Variants in BNIP2 observed in about 807,000 individuals in gnomAD.
BNIP2 encodes BCL2/adenovirus E1B 19 kDa protein-interacting protein 2.
A neutral mutation model predicts 43.4 loss-of-function variants in BNIP2; 36 were observed. That is an observed-to-expected ratio of 0.83 (90% CI 0.64 to 1.10). The LOEUF is 1.10. Among genes scored for constraint, BNIP2 ranks in the 50% least tolerant of loss-of-function variants. The pLI is 0.00. For synonymous variants in BNIP2, 146 were observed against 121.0 expected, an observed-to-expected ratio of 1.21 and a Z score of -1.35; for missense variants, 417 against 374.1, an observed-to-expected ratio of 1.11 and a Z score of -0.95.
intron 5 of BNIP2, among the ~76,000 whole-genome samples, chr15:59,673,874 G>A (rs1460019215): frequency 6.6e-6 from 1 of 152,002 alleles, no homozygotes; most frequent in African/African-American, 2.4e-5. Context: ...GATCACTTAA[G>A]GCCAGGAATT....
In BNIP2 at chr15:59,689,310, C is replaced by A; in HGVS notation, c.-233G>T. 2.6e-6 allele frequency: 4 copies of A among 1,547,418 alleles called. No homozygotes were observed. The South Asian group carries it at 3.6e-5, about 14-fold the overall frequency. Reference sequence around the variant, plus strand: ...TACGGCGTCGGCGGCAGCAGCTGACCCGGACACAGTGAGAAGCCCCGGCGG... The same window carrying A: ...TACGGCGTCGGCGGCAGCAGCTGACACGGACACAGTGAGAAGCCCCGGCGG... On this transcript the variant is annotated 5_prime_UTR_variant, in exon 1 of 10. Transcript: ENST00000607373.
intron 1 of BNIP2, 119 bp from the exon 2 acceptor site, chr15:59,682,633 A>C (rs1893760125): frequency 1.3e-6 from 1 of 747,776 alleles, no homozygotes; most frequent in South Asian, 3.5e-5. Flanking sequence ...CTGGTCATGA[A>C]ATTCATTTAC....
intron 1 of BNIP2, among the ~76,000 whole-genome samples, chr15:59,683,763 G>C (rs545301677): frequency 6.6e-6 from 1 of 152,188 alleles, no homozygotes; most frequent in Non-Finnish European, 1.5e-5. Context: ...AGGTTGCAGC[G>C]AGCCGAGGTC....
intron 5 of BNIP2, 42 bp downstream of exon 5, chr15:59,677,869 A>G: frequency 6.4e-7 from 1 of 1,558,284 alleles, no homozygotes. Context: ...AAGAATTCTG[A>G]TATTGCATTA....
intron 2 of BNIP2, among the ~76,000 whole-genome samples, chr15:59,681,030 A>G (rs544800186): frequency 6.6e-6 from 1 of 152,380 alleles, no homozygotes; most frequent in East Asian, 1.9e-4. Flanking sequence ...ACAATTTTAA[A>G]CAAATATGAC....
chr15:59,667,509 T>G (rs532232153), intron 9 of BNIP2, among the ~76,000 whole-genome samples: 2 of 152,318 alleles, frequency 1.3e-5, no homozygotes, highest in Admixed American at 1.3e-4. Context: ...AAAGCAGAAG[T>G]GTTCAAAATT....
At chr15:59,677,444 T>G (rs547775500) in intron 5 of BNIP2, 2 of 1,437,120 alleles carry the variant, frequency 1.4e-6, no homozygotes, top group Non-Finnish European at 1.8e-6. Flanking sequence ...ATGGATATAG[T>G]GCATCTCAGA....
In BNIP2 at chr15:59,684,478, A is replaced by G. The variant is rs551424726; in HGVS notation, c.-57-1964T>C. On this transcript the variant is annotated intron_variant, in intron 1 of 9. Transcript: ENST00000607373. ...CCTTACCAAACAATCCCCTCTGTTT[A>G]GAACAGAAATAGTAGAAAGGAGCCC... 3.9e-5 allele frequency among the ~76,000 whole-genome samples: 6 copies of G among 152,360 alleles called. No individual in the cohort carries two copies. The East Asian group carries it at 9.6e-4, about 24-fold the overall frequency.
chr15:59,664,453 C>T (rs1476128476), intron 9 of BNIP2, among the ~76,000 whole-genome samples: 1 of 152,104 alleles, frequency 6.6e-6, no homozygotes, highest in African/African-American at 2.4e-5. Context: ...ACAATCTCAG[C>T]TCGCTGCAAT....
chr15:59,686,588 T>G (rs1382889425), intron 1 of BNIP2, among the ~76,000 whole-genome samples: 1 of 152,182 alleles, frequency 6.6e-6, no homozygotes, highest in Non-Finnish European at 1.5e-5. Flanking sequence ...ATTCTAAACA[T>G]TTATGTTCAC....
At chr15:59,667,377 T>G (rs750166239) in intron 9 of BNIP2, among the ~76,000 whole-genome samples, 6 of 152,244 alleles carry the variant, frequency 3.9e-5, no homozygotes, top group Non-Finnish European at 8.8e-5. Context: ...ATTTTAAAGA[T>G]CTAACAAACT....
chr15:59,670,086 C>T (rs1892806044), intron 7 of BNIP2, among the ~76,000 whole-genome samples: 1 of 152,172 alleles, frequency 6.6e-6, no homozygotes, highest in African/African-American at 2.4e-5. Flanking sequence ...CAAGACAAAA[C>T]ACTTCTAAAG....
chr15:59,686,938 A>G (rs1894054785), intron 1 of BNIP2, among the ~76,000 whole-genome samples: 1 of 152,166 alleles, frequency 6.6e-6, no homozygotes, highest in African/African-American at 2.4e-5. Flanking sequence ...AATCGCTTGA[A>G]CCTGGGAGGC....
At chr15:59,672,774 G>A (rs767595455) in intron 5 of BNIP2, 35 bp from the exon 6 acceptor site, 50 of 1,522,018 alleles carry the variant, frequency 3.3e-5, no homozygotes, top group Non-Finnish European at 4.3e-5. Context: ...TCACCAGCAC[G>A]ATTTTACTCT....
In BNIP2 at chr15:59,663,561, C is replaced by T. The variant is rs1239904426; in HGVS notation, c.*508G>A. 2.0e-5 allele frequency: 3 copies of T among 152,596 alleles called. No homozygotes were observed. Among genetic ancestry groups the T allele is most frequent in the Non-Finnish European group, 4.4e-5 (3 of 68,036 alleles). The allele number at this position is 152,596 out of a possible 1,614,324, so 9.5% of individuals were successfully genotyped here. A position where few individuals can be genotyped will look rare whatever the true frequency, so the allele number is the denominator to read the frequency against. On this transcript the variant is annotated 3_prime_UTR_variant, in exon 10 of 10. Coordinates refer to ENST00000607373, the MANE Select transcript of BNIP2 (RefSeq NM_004330.4). ...TAACCATCTGTTGCCTTATGAAAAA[C>T]TTAATTTCCTAAGTTACCCAGGAAA...
Position 59,689,053 on chromosome 15 carries a change from C to G in BNIP2, c.-58+82G>C, listed in dbSNP as rs1286085785. ...CCTCTCCCCGGACGTCGTGGGCACG[C>G]GCCCGACAGACTTTCGCCCCTAGGC... is the stretch of plus-strand genomic sequence containing the variant. On this transcript the variant is annotated intron_variant, in intron 1 of 9. Transcript: ENST00000607373. The G allele has an allele frequency of 6.1e-6, 9 of 1,464,414 alleles. No homozygotes were observed. In the East Asian group the frequency reaches 1.7e-4, roughly 28 times the overall value. 90.7% of individuals were successfully genotyped at this position (1,464,414 alleles called of 1,614,324 possible). A position where few individuals can be genotyped will look rare whatever the true frequency, so the allele number is the denominator to read the frequency against.
At chr15:59,678,811 G>A (rs534284264) in intron 4 of BNIP2, 17 of 1,302,372 alleles carry the variant, frequency 1.3e-5, no homozygotes, top group South Asian at 2.5e-5. Context: ...AGCTGTTAAC[G>A]GAAAATATCC....
At chr15:59,679,984 C>T (rs1195806405) in intron 3 of BNIP2, among the ~76,000 whole-genome samples, 4 of 152,128 alleles carry the variant, frequency 2.6e-5, no homozygotes, top group African/African-American at 9.7e-5. Context: ...TAAATAGAGG[C>T]AGACCTTATA....
rs1190994770 is a variant in BNIP2, at chr15:59,671,197, C to G, written c.693G>C (p.Gln231His). ...PSLGWLRKCYQQIDRRLRKNL... is the reference protein window; with the variant it reads ...PSLGWLRKCYHQIDRRLRKNL... ...ATTTGTATTACCTTCTATCAATTTG[C>G]TGATAACATTTCCTGAGCCATCCCA... Residue 231 changes from glutamine (Q) to histidine (H), a missense_variant, in exon 7 of 10, where the codon CAG (glutamine) becomes CAC (histidine). Transcript: ENST00000607373. 1 of 1,597,056 alleles carries G rather than the reference C, an allele frequency of 6.3e-7. No homozygotes were observed.
Sources: gnomAD v4.1 joint callset for allele counts (sites outside exome capture counted in the v4.1 genomes callset) on GRCh38, gnomAD v4.1.1 for gene constraint, MANE v1.5 for transcripts, NCBI Gene and HGNC (gene_info 2026-07-23, HGNC 2026-07-21) for gene names.